Variants in RNF216 observed in about 807,000 individuals in gnomAD.
RNF216 encodes E3 ubiquitin-protein ligase RNF216.
Under a neutral mutation model 110.8 loss-of-function variants are expected in RNF216, and 72 were observed. The observed-to-expected ratio is 0.65, with a 90% CI of 0.54 to 0.79. The LOEUF (loss-of-function observed/expected upper bound fraction) is 0.79. RNF216 is among the 30% of genes least tolerant of loss of function. The pLI is 0.00. For synonymous variants in RNF216, 495 were observed against 407.5 expected, an observed-to-expected ratio of 1.21 and a Z score of -2.59; for missense variants, 1,342 against 1,141.2, an observed-to-expected ratio of 1.18 and a Z score of -2.54.
At chr7:5,664,923 A>T (rs1292899014) in intron 13 of RNF216, among the ~76,000 whole-genome samples, 7 of 152,132 alleles carry the variant, frequency 4.6e-5, no homozygotes, top group African/African-American at 1.7e-4. Context: ...CAGCCTCCCA[A>T]GTAGCTGGGA....
At chr7:5,650,507 G>A (rs1788323235) in intron 14 of RNF216, among the ~76,000 whole-genome samples, 1 of 152,170 alleles carries the variant, frequency 6.6e-6, no homozygotes, top group Non-Finnish European at 1.5e-5. Context: ...GGCCTGAGGA[G>A]AGAGTATGTT....
chr7:5,762,386 G>A (rs1379029936), intron 1 of RNF216, among the ~76,000 whole-genome samples: 2 of 151,340 alleles, frequency 1.3e-5, no homozygotes, highest in Admixed American at 6.6e-5. Context: ...GGCTGGGTGC[G>A]GTGGCTCAAG....
At chr7:5,771,526 G>C (rs1796493436) in intron 1 of RNF216, among the ~76,000 whole-genome samples, 1 of 152,262 alleles carries the variant, frequency 6.6e-6, no homozygotes, top group African/African-American at 2.4e-5. Flanking sequence ...GCGGGGTGCA[G>C]TGGCTCATGC....
In RNF216 at chr7:5,714,727, T is replaced by C. The variant is rs934224267; in HGVS notation, c.1833+326A>G. Among the ~76,000 whole-genome samples the C allele has an allele frequency of 2.0e-5, 3 of 151,952 alleles. 1 individual carries two copies. ...ATCTTGTGTAAAGTAAGTTATGTTA[T>C]TTTAATATATATTTAATCCAATAGG... On this transcript the variant is annotated intron_variant, in intron 11 of 16. Transcript: ENST00000389902.
chr7:5,779,830 A>G (rs1796982736), intron 1 of RNF216, among the ~76,000 whole-genome samples: 1 of 130,298 alleles, frequency 7.7e-6, no homozygotes, highest in Admixed American at 7.7e-5. Context: ...CTCCGCCTCA[A>G]AAAAAAAAAA....
intron 13 of RNF216, among the ~76,000 whole-genome samples, chr7:5,707,004 G>GT (rs1169303722): frequency 2.6e-5 from 4 of 152,214 alleles, no homozygotes; most frequent in African/African-American, 9.7e-5. Context: ...TGGATATTCA[G>GT]TTTACAGAGC....
chr7:5,644,157 T>A (rs1170763401), intron 14 of RNF216, among the ~76,000 whole-genome samples: 1 of 152,196 alleles, frequency 6.6e-6, no homozygotes, highest in Non-Finnish European at 1.5e-5. Context: ...CTTGCACAAG[T>A]TTTATATGGA....
At chr7:5,683,664 C>G (rs1278807366) in intron 13 of RNF216, among the ~76,000 whole-genome samples, 1 of 152,176 alleles carries the variant, frequency 6.6e-6, no homozygotes, top group African/African-American at 2.4e-5. Context: ...GTGTCCTCAT[C>G]AAGGAGAATG....
At chr7:5,750,085 AATATCATTATTTGC>A (rs1228270434) in intron 3 of RNF216, among the ~76,000 whole-genome samples, 1 of 152,224 alleles carries the variant, frequency 6.6e-6, no homozygotes, top group East Asian at 1.9e-4. Context: ...TTTTTATGGC[AATATCATTATTTGC>A]ATATCTGTCC....
At chr7:5,642,471 C>T (rs1052668089) in intron 14 of RNF216, among the ~76,000 whole-genome samples, 13 of 151,932 alleles carry the variant, frequency 8.6e-5, no homozygotes, top group Non-Finnish European at 1.6e-4. Flanking sequence ...GCCTCGGCCT[C>T]CCAAAAGTGC....
intron 13 of RNF216, among the ~76,000 whole-genome samples, chr7:5,661,170 C>G (rs1789112861): frequency 6.6e-6 from 1 of 151,184 alleles, no homozygotes; most frequent in Non-Finnish European, 1.5e-5. Context: ...GAATTCCTGG[C>G]CTCAAGTGAT....
At chr7:5,627,155 A>T (rs1315298910) in intron 15 of RNF216, among the ~76,000 whole-genome samples, 2 of 152,180 alleles carry the variant, frequency 1.3e-5, no homozygotes, top group African/African-American at 2.4e-5. Context: ...ACAGAAACTG[A>T]GGTCCCTGAG....
chr7:5,729,282 G>C (rs1238948812), intron 7 of RNF216, 150 bp downstream of exon 7: 4 of 707,768 alleles, frequency 5.7e-6, no homozygotes, highest in African/African-American at 3.6e-5. Flanking sequence ...CCGTCACGAT[G>C]AGCAAATACC....
rs1007162660 is a variant in RNF216 at position 5,721,093 on chromosome 7, G to A, written c.1584C>T (p.Leu528=). 1.2e-6 allele frequency: 2 copies of A among 1,614,076 alleles called. No individual in the cohort carries two copies. The highest frequency in any genetic ancestry group is 8.5e-7 in the Non-Finnish European group (1 of 1,179,952). The change falls in exon 9 of 17, where the codon CTC becomes CTT. Residue 528 remains leucine, a synonymous_variant. Transcript: ENST00000389902. The part of the protein sequence containing the change: ...RHCRSYDRRA[L]LPAVQQEQEF... The stretch of plus-strand genomic sequence containing the variant: ...CCTGCTCTTGTTGCACAGCTGGAAG[G>A]AGAGCACGTCGGTCATAGGACCTAC...
chr7:5,692,602 A>G (rs1376689701), intron 13 of RNF216, among the ~76,000 whole-genome samples: 4 of 152,216 alleles, frequency 2.6e-5, no homozygotes, highest in Non-Finnish European at 5.9e-5. Flanking sequence ...AGAAAGGCAG[A>G]GCTGCTCAGT....
intron 15 of RNF216, among the ~76,000 whole-genome samples, chr7:5,631,720 T>C (rs986142388): frequency 6.6e-6 from 1 of 152,042 alleles, no homozygotes; most frequent in Non-Finnish European, 1.5e-5. Flanking sequence ...ATTAAAACAA[T>C]CTTGGGAAAC....
intron 13 of RNF216, among the ~76,000 whole-genome samples, chr7:5,653,600 C>CAAAAA (rs34530431): frequency 2.0e-5 from 1 of 50,492 alleles, no homozygotes; most frequent in Non-Finnish European, 3.4e-5. Flanking sequence ...GACTCTGTCT[C>CAAAAA]AAAAAAAAAA....
At chr7:5,751,334 G>A (rs922331601) in intron 3 of RNF216, among the ~76,000 whole-genome samples, 25 of 152,106 alleles carry the variant, frequency 1.6e-4, no homozygotes, top group African/African-American at 5.8e-4. Context: ...CAAAAAGGGA[G>A]GAATTGTTAA....
At chr7:5,644,265 A>G (rs1342978694) in intron 14 of RNF216, among the ~76,000 whole-genome samples, 5 of 152,142 alleles carry the variant, frequency 3.3e-5, no homozygotes, top group African/African-American at 4.8e-5. Context: ...CCAACTGTTA[A>G]CTATGGCGGC....
Sources: allele counts gnomAD v4.1 joint callset (sites outside exome capture counted in the v4.1 genomes callset), GRCh38; gene constraint gnomAD v4.1.1; transcripts MANE v1.5; gene names NCBI Gene and HGNC (gene_info 2026-07-23, HGNC 2026-07-21).